The following TANC2 variants were observed in gnomAD, a reference collection of about 807,000 sequenced individuals.
The protein encoded by TANC2 is tetratricopeptide repeat, ankyrin repeat and coiled-coil containing 2.
Under a neutral mutation model 210.5 loss-of-function variants are expected in TANC2, and 26 were observed. The observed-to-expected ratio is 0.12, with a 90% confidence interval of 0.09 to 0.17. The LOEUF is 0.17. Among genes scored for constraint, TANC2 ranks in the 10% least tolerant of loss-of-function variants. TANC2 has a pLI of 1.00. For synonymous variants in TANC2, 931 were observed against 967.1 expected (o/e 0.96, Z 0.69); for missense variants, 2,129 against 2,608.9 (o/e 0.82, Z 4.01).
rs187059157 is a variant in TANC2 at position 63,290,250 on chromosome 17, C to T, written c.1159+22377C>T. Among the ~76,000 whole-genome samples the T allele has an allele frequency of 4.1e-3, 618 of 152,244 alleles. 4 individuals carry two copies. The highest frequency in any genetic ancestry group is 0.014 in the African/African-American group (599 of 41,536). ...TGGTGGCGGCCCCCATCTCTGAGTG[C>T]CCCTGGAGTTGTTAACTCTCAGACT... On this transcript the variant is annotated intron_variant, in intron 9 of 27. Coordinates refer to ENST00000689528, the Ensembl canonical transcript of TANC2.
chr17:63,328,163 G>C (rs183286189), intron 11 of TANC2, among the ~76,000 whole-genome samples: 2 of 152,278 alleles, frequency 1.3e-5, no homozygotes, highest in East Asian at 3.9e-4. Flanking sequence ...ACAAGAAAGA[G>C]AATAACAGAC....
At chr17:63,218,722 C>T (rs2145915243) in intron 7 of TANC2, among the ~76,000 whole-genome samples, 1 of 152,180 alleles carries the variant, frequency 6.6e-6, no homozygotes, top group East Asian at 1.9e-4. Flanking sequence ...ATGGCGAAAC[C>T]TCCTTTCTAC....
intron 3 of TANC2, among the ~76,000 whole-genome samples, chr17:63,080,194 C>T (rs2036721398): frequency 2.0e-5 from 3 of 152,146 alleles, no homozygotes; most frequent in South Asian, 4.1e-4. Flanking sequence ...AAGGAAACTA[C>T]AATTCCTGGA....
chr17:62,968,285 GT>G (rs1374654633), intron 1 of TANC2, among the ~76,000 whole-genome samples: 3 of 152,118 alleles, frequency 2.0e-5, no homozygotes, highest in African/African-American at 7.2e-5. Context: ...AGATTTTAAT[GT>G]TTTATGTTAT....
intron 9 of TANC2, among the ~76,000 whole-genome samples, chr17:63,300,901 A>C (rs1567894835): frequency 6.6e-6 from 1 of 152,190 alleles, no homozygotes; most frequent in African/African-American, 2.4e-5. Context: ...TCAGTATGAT[A>C]TCAGCTGTGG....
intron 4 of TANC2, among the ~76,000 whole-genome samples, chr17:63,137,075 ATTTTTAT>A (rs918807151): frequency 3.9e-5 from 6 of 152,130 alleles, no homozygotes; most frequent in Non-Finnish European, 8.8e-5. Context: ...GGAATGGGAG[ATTTTTAT>A]TTTTTATTTT....
intron 17 of TANC2, chr17:63,393,702 G>GTCATACTT (rs1395817091): frequency 6.6e-6 from 1 of 151,766 alleles, no homozygotes; most frequent in Non-Finnish European, 1.5e-5. Context: ...CCTGGTTCTT[G>GTCATACTT]TCATACTTTT....
chr17:63,270,879 C>T (rs1210129105), intron 9 of TANC2, among the ~76,000 whole-genome samples: 1 of 152,150 alleles, frequency 6.6e-6, no homozygotes, highest in African/African-American at 2.4e-5. Flanking sequence ...CATGCGTTCT[C>T]ATCATTTAGC....
At chr17:63,265,477 A>G (rs1000197090) in intron 8 of TANC2, among the ~76,000 whole-genome samples, 1 of 152,174 alleles carries the variant, frequency 6.6e-6, no homozygotes, top group Non-Finnish European at 1.5e-5. Context: ...TGGAATCTAT[A>G]TCTGTGAAAA....
chr17:63,297,108 T>C (rs2044560283), intron 9 of TANC2, among the ~76,000 whole-genome samples: 1 of 152,174 alleles, frequency 6.6e-6, no homozygotes, highest in African/African-American at 2.4e-5. Flanking sequence ...ATATACTGTA[T>C]TAATGTTTAA....
intron 9 of TANC2, among the ~76,000 whole-genome samples, chr17:63,306,504 C>T (rs1345295032): frequency 2.6e-5 from 4 of 152,148 alleles, no homozygotes; most frequent in South Asian, 4.1e-4. Context: ...GTGATGGTTC[C>T]TGCCTTCATA....
chr17:63,417,435 C>A (rs1003215185), intron 26 of TANC2, among the ~76,000 whole-genome samples: 1 of 152,128 alleles, frequency 6.6e-6, no homozygotes, highest in African/African-American at 2.4e-5. Context: ...CCCCACCCCC[C>A]AGTCTCTGTT....
intron 15 of TANC2, among the ~76,000 whole-genome samples, chr17:63,382,396 G>C (rs1004419297): frequency 1.3e-5 from 2 of 152,102 alleles, no homozygotes; most frequent in Non-Finnish European, 2.9e-5. Context: ...AAGCTACCAA[G>C]TGTGACTTCC....
chr17:63,162,341 G>A (rs1468396717), intron 5 of TANC2, among the ~76,000 whole-genome samples: 1 of 151,868 alleles, frequency 6.6e-6, no homozygotes, highest in Admixed American at 6.6e-5. Context: ...AAAAGTGAGT[G>A]GGAAAGAGAA....
rs1055586964 is a variant in TANC2 at position 63,418,242 on chromosome 17, A to C, written c.4168-65A>C. On this transcript the variant is annotated intron_variant, in intron 26 of 27. Transcript: ENST00000689528. This position sits in a 1 kb window ranked among gnomAD's most constrained non-coding sequence, Gnocchi z 4.6. ...AAAAAATGTACAAATAATTTGTTTT[A>C]TTCCCAAGTTGTCTATTTTTTATAT... is the stretch of plus-strand genomic sequence containing the variant. 2.0e-6 allele frequency: 3 copies of C among 1,469,772 alleles called. No homozygotes were observed. In the African/African-American group the frequency reaches 4.2e-5, roughly 21 times the overall value. The allele number at this position is 1,469,772 out of a possible 1,614,324, so 91.0% of individuals were successfully genotyped here.
intron 9 of TANC2, among the ~76,000 whole-genome samples, chr17:63,297,491 C>T (rs1442521166): frequency 1.3e-5 from 2 of 152,112 alleles, no homozygotes; most frequent in Admixed American, 1.3e-4. Context: ...GGTACTGAGA[C>T]AACTGGATAT....
rs2046741774 is a variant in TANC2 at position 63,355,060 on chromosome 17, A to C, written c.2252A>C (p.Lys751Thr). ...CTAGTGTTAAAGAGCTCTAGCTACA[A>C]AGTAGTTCCTGTTTCGCTCTCAGAG... Residue 751 changes from lysine (K) to threonine (T), a missense_variant, in exon 14 of 28, where the codon AAA becomes ACA. Coordinates refer to ENST00000689528, the Ensembl canonical transcript of TANC2. 2 of 1,613,912 alleles carry C rather than the reference A, an allele frequency of 1.2e-6. No homozygotes were observed. The highest frequency in any genetic ancestry group is 1.7e-5 in the Admixed American group (1 of 60,016).
chr17:63,399,674 A>G (rs1239151960), intron 19 of TANC2, among the ~76,000 whole-genome samples: 1 of 152,246 alleles, frequency 6.6e-6, no homozygotes, highest in Non-Finnish European at 1.5e-5. Flanking sequence ...GGAGAAGTAG[A>G]CCAATATTGA....
chr17:63,154,202 G>C (rs1293295567), intron 5 of TANC2: 1 of 152,122 alleles, frequency 6.6e-6, no homozygotes, highest in East Asian at 1.9e-4. Context: ...AATTGTGTGT[G>C]TTAATTGTCT....
Sources: gnomAD v4.1 joint callset for allele counts (sites outside exome capture counted in the v4.1 genomes callset) on GRCh38, gnomAD v4.1.1 for gene constraint, Gnocchi (gnomAD v3.1) non-coding constraint, MANE v1.5 for transcripts, NCBI Gene and HGNC (gene_info 2026-07-23, HGNC 2026-07-21) for gene names.